The following KDM5A variants were observed in gnomAD, a reference collection of about 807,000 sequenced individuals.
KDM5A encodes lysine-specific demethylase 5A.
A neutral mutation model predicts 193.5 loss-of-function variants in KDM5A; 42 were observed. That is an observed-to-expected ratio of 0.22 (90% confidence interval 0.17 to 0.28). The LOEUF is 0.28. KDM5A is among the 10% of genes least tolerant of loss of function. The pLI, the probability that KDM5A is intolerant of heterozygous loss-of-function variation, is 1.00. For missense variants in KDM5A, 1,692 were observed against 2,055.1 expected (o/e 0.82, Z 3.42); for synonymous variants, 796 against 718.1 (o/e 1.11, Z -1.73).
chr12:385,172 G>C (rs533105867), intron 2 of KDM5A, among the ~76,000 whole-genome samples: 33 of 132,312 alleles, frequency 2.5e-4, no homozygotes, highest in African/African-American at 9.2e-4. Context: ...GACAGAGCAA[G>C]ACTCTCTGGA....
At chr12:287,932 G>A (rs1591894191) in intron 27 of KDM5A, among the ~76,000 whole-genome samples, 1 of 152,182 alleles carries the variant, frequency 6.6e-6, no homozygotes, top group South Asian at 2.1e-4. Context: ...TTTCCCTTTT[G>A]TGATTTTGAC....
chr12:329,069 C>T (rs1361298824), intron 13 of KDM5A, 40 bp from the exon 14 acceptor site: 1 of 1,557,218 alleles, frequency 6.4e-7, no homozygotes, highest in Non-Finnish European at 8.8e-7. Flanking sequence ...TCGCTTATAA[C>T]ATATCCCAGC....
Position 292,941 on chromosome 12 carries a change from T to C in KDM5A, c.4684A>G (p.Lys1562Glu), listed in dbSNP as rs765603943. 2 of 1,613,606 alleles carry C rather than the reference T, an allele frequency of 1.2e-6. No individual in the cohort carries two copies. Among genetic ancestry groups the C allele is most frequent in the Non-Finnish European group, 1.7e-6 (2 of 1,179,940 alleles). ...AKKLAKEEERKKKKEKAAAAK... is the reference protein window; with the variant it reads ...AKKLAKEEEREKKKEKAAAAK... ...GCAGCAGCCTTCTCCTTCTTTTTCT[T>C]TCTCTCTTCTTCTTTTGCTAGTTTC... Residue 1562 changes from lysine to glutamate, a missense_variant, in exon 27 of 28, where the codon AAG (lysine) becomes GAG (glutamate). Physicochemically the swap from Lys to Glu is moderately conservative, Grantham distance 56. Around this residue, in one of 11 missense-constraint regions of KDM5A, gnomAD observed 965 missense variants for 1,061.0 expected, o/e 0.91. Coordinates refer to ENST00000399788, the MANE Select transcript of KDM5A (RefSeq NM_001042603.3).
chr12:382,161 G>A (rs944355383), intron 3 of KDM5A, among the ~76,000 whole-genome samples: 3 of 152,172 alleles, frequency 2.0e-5, no homozygotes, highest in Non-Finnish European at 4.4e-5. Flanking sequence ...GCCACGCATG[G>A]TGGCTCACGC....
At chr12:348,408 T>G (rs561292392) in intron 10 of KDM5A, among the ~76,000 whole-genome samples, 12 of 152,350 alleles carry the variant, frequency 7.9e-5, no homozygotes, top group African/African-American at 2.9e-4. Context: ...ATCCCATTAC[T>G]GGGTATATAC....
At chr12:286,331 G>A in intron 27 of KDM5A, 3 of 369,200 alleles carry the variant, frequency 8.1e-6, no homozygotes, top group South Asian at 6.5e-5. Flanking sequence ...TGATAGGTCA[G>A]TGGCAGGTGT....
At chr12:345,728 AAC>A (rs1321879554) in intron 10 of KDM5A, among the ~76,000 whole-genome samples, 1 of 152,174 alleles carries the variant, frequency 6.6e-6, no homozygotes, top group Non-Finnish European at 1.5e-5. Context: ...TGAGAACAAA[AAC>A]ACAACATACC....
Position 281,460 on chromosome 12 carries a change from A to C in KDM5A, c.*3996T>G, listed in dbSNP as rs1943153320. On this transcript the variant is annotated 3_prime_UTR_variant, in exon 28 of 28. Transcript: ENST00000399788. ...AAGACCAAAATTCAAAAAATACATT[A>C]ACAGCCATTCTTCCTCATACTACAG... 1.3e-5 allele frequency: 3 copies of C among 233,112 alleles called. No homozygotes were observed. The highest frequency in any genetic ancestry group is 2.5e-5 in the Non-Finnish European group (3 of 118,032). The allele number at this position is 233,112 out of a possible 1,614,324, so 14.4% of individuals were successfully genotyped here. A position where few individuals can be genotyped will look rare whatever the true frequency, so the allele number is the denominator to read the frequency against.
intron 14 of KDM5A, among the ~76,000 whole-genome samples, chr12:327,702 T>C (rs1943809376): frequency 6.6e-6 from 1 of 150,724 alleles, no homozygotes; most frequent in South Asian, 2.1e-4. Flanking sequence ...AGTGAGACTC[T>C]GTCTCAAAAA....
rs762783710 is a variant in KDM5A, at chr12:310,851, T to A, written c.3216+34A>T. 1.9e-6 allele frequency: 3 copies of A among 1,603,330 alleles called. No individual in the cohort carries two copies. In the South Asian group the frequency reaches 3.3e-5, roughly 18 times the overall value. On this transcript the variant is annotated intron_variant, in intron 21 of 27. Coordinates refer to ENST00000399788, the MANE Select transcript of KDM5A (RefSeq NM_001042603.3). ...ACCAATACTATTACTACTTAAATTATCAGCTGCTTATGAGAGTGTTGAAGT... is the reference window on the plus strand; with the variant it reads ...ACCAATACTATTACTACTTAAATTAACAGCTGCTTATGAGAGTGTTGAAGT...
intron 27 of KDM5A, among the ~76,000 whole-genome samples, chr12:291,771 AAAC>A (rs1943297561): frequency 6.6e-6 from 1 of 152,194 alleles, no homozygotes; most frequent in Admixed American, 6.5e-5. Flanking sequence ...CCAATCATTT[AAAC>A]AACTGGAATT....
rs1002609468 is a variant in KDM5A, at chr12:306,822, C to T, written c.4074+124G>A. ...AAATGCTACGACTAAAAACTCAGAA[C>T]AGATAAATGATTAGTTTTCTCTTTC... is the stretch of plus-strand genomic sequence containing the variant. On this transcript the variant is annotated intron_variant, in intron 24 of 27. Transcript: ENST00000399788. The T allele has an allele frequency of 4.1e-6, 4 of 965,952 alleles. No individual in the cohort carries two copies. The African/African-American group carries it at 4.9e-5, about 12-fold the overall frequency. The allele number at this position is 965,952 out of a possible 1,614,324, so 59.8% of individuals were successfully genotyped here. A position where few individuals can be genotyped will look rare whatever the true frequency, so the allele number is the denominator to read the frequency against.
intron 13 of KDM5A, among the ~76,000 whole-genome samples, chr12:330,552 C>T (rs940809983): frequency 6.6e-6 from 1 of 152,182 alleles, no homozygotes; most frequent in Non-Finnish European, 1.5e-5. Context: ...CAGCTCCTAT[C>T]TAAATCCTCC....
intron 27 of KDM5A, among the ~76,000 whole-genome samples, chr12:286,763 G>A (rs1943224119): frequency 6.6e-6 from 1 of 152,178 alleles, no homozygotes; most frequent in African/African-American, 2.4e-5. Flanking sequence ...ATAAAAAACT[G>A]TCAAAACCAC....
intron 11 of KDM5A, 93 bp downstream of exon 11, chr12:334,146 TTC>T (rs1348503846): frequency 4.4e-6 from 5 of 1,146,092 alleles, no homozygotes; most frequent in South Asian, 2.6e-5. Flanking sequence ...TTAAATATAC[TTC>T]TGTCTATAAA....
At chr12:319,759 G>A (rs11062391) in intron 18 of KDM5A, among the ~76,000 whole-genome samples, 62,782 of 151,288 alleles carry the variant, frequency 0.41, 15,300 homozygotes, top group African/African-American at 0.68. Flanking sequence ...GTCTCAAAAA[G>A]AAAAGAAAAG....
At chr12:292,419 G>A (rs914186694) in intron 27 of KDM5A, among the ~76,000 whole-genome samples, 1 of 152,116 alleles carries the variant, frequency 6.6e-6, no homozygotes, top group Non-Finnish European at 1.5e-5. Context: ...AAGGTATTTA[G>A]TTCTCTGAGT....
intron 3 of KDM5A, among the ~76,000 whole-genome samples, chr12:377,012 T>A (rs1444565353): frequency 7.0e-6 from 1 of 143,180 alleles, no homozygotes; most frequent in Non-Finnish European, 1.6e-5. Flanking sequence ...AGGAGTCCCC[T>A]TCCTCCCTTT....
intron 14 of KDM5A, among the ~76,000 whole-genome samples, chr12:325,823 G>A (rs926094612): frequency 2.6e-5 from 4 of 152,214 alleles, no homozygotes; most frequent in Non-Finnish European, 4.4e-5. Flanking sequence ...AGATTAGCCC[G>A]GCTAACATGG....
Sources: gnomAD v4.1 joint callset for allele counts (sites outside exome capture counted in the v4.1 genomes callset) on GRCh38, gnomAD v4.1.1 for gene constraint, gnomAD v4.1.1 regional missense constraint, MANE v1.5 for transcripts, NCBI Gene and HGNC (gene_info 2026-07-23, HGNC 2026-07-21) for gene names.